The following NELL1 variants were observed in gnomAD, a reference collection of about 807,000 sequenced individuals.
The protein encoded by NELL1 is neural EGFL like 1.
A neutral mutation model predicts 107.4 loss-of-function variants in NELL1; 76 were observed. The observed-to-expected ratio is 0.71, with a 90% CI of 0.59 to 0.86. NELL1 has a LOEUF of 0.86. NELL1 is among the 40% of genes least tolerant of loss of function. NELL1 has a pLI of 0.00. For synonymous variants in NELL1, 353 were observed against 341.2 expected, an observed-to-expected ratio of 1.03 and a Z score of -0.38; for missense variants, 1,024 against 1,005.5, an observed-to-expected ratio of 1.02 and a Z score of -0.25.
intron 5 of NELL1, among the ~76,000 whole-genome samples, chr11:20,914,615 C>T (rs1957997311): frequency 6.6e-6 from 1 of 152,054 alleles, no homozygotes; most frequent in African/African-American, 2.4e-5. Flanking sequence ...CCTTTTCCAT[C>T]ATGGTCTGAA....
chr11:21,427,112 A>T (rs1852841943), intron 15 of NELL1, among the ~76,000 whole-genome samples: 1 of 152,192 alleles, frequency 6.6e-6, no homozygotes, highest in African/African-American at 2.4e-5. Flanking sequence ...CAAAGTCAGC[A>T]TGAAACAGGG....
chr11:21,349,778 C>G lies in NELL1; in HGVS notation c.1550-21075C>G, dbSNP rs554672467. On this transcript the variant is annotated intron_variant, in intron 14 of 19. Transcript: ENST00000357134. ...GCTGCATTATAGTTTAGCTTGGTGACCTACTGTAGTGAACATAAGTCTGAG... is the reference window on the plus strand; with the variant it reads ...GCTGCATTATAGTTTAGCTTGGTGAGCTACTGTAGTGAACATAAGTCTGAG... 2.6e-5 allele frequency among the ~76,000 whole-genome samples: 4 copies of G among 152,124 alleles called. No homozygotes were observed. The South Asian group carries it at 6.2e-4, about 24-fold the overall frequency.
At chr11:21,085,874 G>A (rs559993626) in intron 12 of NELL1, among the ~76,000 whole-genome samples, 73 of 152,266 alleles carry the variant, frequency 4.8e-4, no homozygotes, top group African/African-American at 1.6e-3. Flanking sequence ...GAAGAGAGGG[G>A]TATGACCTGA....
At chr11:20,756,066 G>C (rs2133951552) in intron 2 of NELL1, among the ~76,000 whole-genome samples, 1 of 150,828 alleles carries the variant, frequency 6.6e-6, no homozygotes, top group African/African-American at 2.4e-5. Flanking sequence ...CTAATTTTTT[G>C]TATTTTTAGT....
chr11:20,910,714 AG>A (rs778651101), intron 5 of NELL1, among the ~76,000 whole-genome samples: 2 of 152,218 alleles, frequency 1.3e-5, no homozygotes, highest in African/African-American at 2.4e-5. Flanking sequence ...TCTAGATTGT[AG>A]GCTTCACCAG....
intron 15 of NELL1, among the ~76,000 whole-genome samples, chr11:21,532,525 G>C (rs1591012577): frequency 6.6e-6 from 1 of 152,132 alleles, no homozygotes; most frequent in East Asian, 1.9e-4. Context: ...GGCAAACCAG[G>C]ACATATGATT....
At chr11:21,124,375 G>A (rs1855441970) in intron 13 of NELL1, among the ~76,000 whole-genome samples, 1 of 152,098 alleles carries the variant, frequency 6.6e-6, no homozygotes, top group Non-Finnish European at 1.5e-5. Flanking sequence ...GTGATTAAAA[G>A]CAATGGCTTT....
At chr11:21,416,915 A>G (rs1564884105) in intron 15 of NELL1, among the ~76,000 whole-genome samples, 2 of 152,112 alleles carry the variant, frequency 1.3e-5, no homozygotes, top group African/African-American at 4.8e-5. Context: ...TCTCAAGTTC[A>G]TGATGATGAT....
intron 4 of NELL1, among the ~76,000 whole-genome samples, chr11:20,853,055 C>A (rs1168976587): frequency 6.6e-6 from 1 of 152,192 alleles, no homozygotes; most frequent in African/African-American, 2.4e-5. Context: ...ACAATCTCTA[C>A]AGCTTTATAG....
intron 14 of NELL1, among the ~76,000 whole-genome samples, chr11:21,267,360 G>C (rs1848655256): frequency 6.6e-6 from 1 of 151,890 alleles, no homozygotes; most frequent in South Asian, 2.1e-4. Flanking sequence ...TATTACCTGT[G>C]GGGGTTTGAA....
intron 15 of NELL1, among the ~76,000 whole-genome samples, chr11:21,382,185 A>G (rs1464658092): frequency 6.6e-6 from 1 of 151,842 alleles, no homozygotes; most frequent in Non-Finnish European, 1.5e-5. Flanking sequence ...TCCACTACTC[A>G]TCAGCAATGT....
chr11:21,475,409 G>A (rs1423983727), intron 15 of NELL1, among the ~76,000 whole-genome samples: 1 of 152,110 alleles, frequency 6.6e-6, no homozygotes, highest in Non-Finnish European at 1.5e-5. Context: ...CCTATAGGAG[G>A]ATTAAACAGC....
At chr11:21,517,195 C>T (rs1350972337) in intron 15 of NELL1, among the ~76,000 whole-genome samples, 1 of 152,094 alleles carries the variant, frequency 6.6e-6, no homozygotes, top group East Asian at 1.9e-4. Context: ...CTCATGGGGA[C>T]CTCAACTTTT....
chr11:21,388,367 T>C (rs1213513939), intron 15 of NELL1, among the ~76,000 whole-genome samples: 1 of 151,830 alleles, frequency 6.6e-6, no homozygotes, highest in Non-Finnish European at 1.5e-5. Context: ...AAAGTCTAAT[T>C]AGCAAACAGT....
intron 14 of NELL1, among the ~76,000 whole-genome samples, chr11:21,339,104 T>C (rs1200111551): frequency 6.6e-6 from 1 of 152,176 alleles, no homozygotes; most frequent in Non-Finnish European, 1.5e-5. Flanking sequence ...CCCTCAAAAA[T>C]ATTGTCAAAG....
At chr11:20,945,524 C>T (rs1478634857) in intron 10 of NELL1, among the ~76,000 whole-genome samples, 1 of 152,182 alleles carries the variant, frequency 6.6e-6, no homozygotes, top group Non-Finnish European at 1.5e-5. Flanking sequence ...GCACATAGAG[C>T]TGACAAAAGG....
chr11:21,290,579 C>T (rs1416766394), intron 14 of NELL1, among the ~76,000 whole-genome samples: 1 of 152,092 alleles, frequency 6.6e-6, no homozygotes, highest in African/African-American at 2.4e-5. Flanking sequence ...TTGAGAGACA[C>T]CTCATACAGG....
intron 13 of NELL1, among the ~76,000 whole-genome samples, chr11:21,203,782 G>A (rs1857325974): frequency 6.6e-6 from 1 of 152,086 alleles, no homozygotes. Context: ...GCTTCCTTCA[G>A]GAACTCTTGT....
chr11:20,938,065 GC>G (rs2134185872), intron 10 of NELL1, among the ~76,000 whole-genome samples: 1 of 152,270 alleles, frequency 6.6e-6, no homozygotes, highest in South Asian at 2.1e-4. Flanking sequence ...GGATCAGGTA[GC>G]CTTGGAAGAA....
Sources: gnomAD v4.1 joint callset for allele counts (sites outside exome capture counted in the v4.1 genomes callset) on GRCh38, gnomAD v4.1.1 for gene constraint, MANE v1.5 for transcripts, NCBI Gene and HGNC (gene_info 2026-07-23, HGNC 2026-07-21) for gene names.